Variants in NALCN observed in about 807,000 individuals in gnomAD.
The protein encoded by NALCN is sodium leak channel NALCN.
Under a neutral mutation model 225.3 loss-of-function variants are expected in NALCN, and 111 were observed. That is an observed-to-expected ratio of 0.49 (90% CI 0.42 to 0.58). The LOEUF (loss-of-function observed/expected upper bound fraction) is 0.58, where lower values mean the gene tolerates loss of function less well. Ranked by LOEUF, NALCN falls within the 20% of genes least tolerant of loss-of-function variation. The pLI, the probability that NALCN is intolerant of heterozygous loss-of-function variation, is 0.00. For missense variants in NALCN, 1,378 were observed against 2,202.4 expected (o/e 0.63, Z 7.49); for synonymous variants, 764 against 769.0 (o/e 0.99, Z 0.11).
At chr13:101,339,368 A>T (rs2045484531) in intron 7 of NALCN, among the ~76,000 whole-genome samples, 1 of 152,088 alleles carries the variant, frequency 6.6e-6, no homozygotes, top group Non-Finnish European at 1.5e-5. Flanking sequence ...CAACATGGGG[A>T]GTGTGTGATA....
intron 39 of NALCN, among the ~76,000 whole-genome samples, chr13:101,067,271 C>T (rs148531504): frequency 4.4e-5 from 3 of 68,596 alleles, no homozygotes; most frequent in South Asian, 5.0e-4. Context: ...AGGAGGTGGA[C>T]GAGGAGGAGG....
intron 15 of NALCN, among the ~76,000 whole-genome samples, chr13:101,166,770 G>A (rs1204794974): frequency 1.3e-5 from 2 of 152,120 alleles, no homozygotes; most frequent in Non-Finnish European, 2.9e-5. Context: ...TGCTGTCTGT[G>A]CCATATCCAA....
rs543447352 is a variant in NALCN, at chr13:101,198,238, C to T, written c.1627-6184G>A. On this transcript the variant is annotated intron_variant, in intron 13 of 43. Transcript: ENST00000251127. ...TTCAGGACATAGGCATGGGCAAAGA[C>T]TTCATGTCTAAAACACCAAAAGGAA... is the stretch of plus-strand genomic sequence containing the variant. 1.4e-4 allele frequency among the ~76,000 whole-genome samples: 21 copies of T among 152,282 alleles called. No homozygotes were observed. In the East Asian group the frequency reaches 3.7e-3, roughly 27 times the overall value.
At chr13:101,412,418 C>G (rs1309017712) in intron 1 of NALCN, among the ~76,000 whole-genome samples, 1 of 152,218 alleles carries the variant, frequency 6.6e-6, no homozygotes, top group Non-Finnish European at 1.5e-5. Flanking sequence ...TCTGGTCTAT[C>G]CTACTTCTAA....
intron 9 of NALCN, among the ~76,000 whole-genome samples, chr13:101,289,032 C>T (rs1195716808): frequency 6.6e-6 from 1 of 152,166 alleles, no homozygotes; most frequent in Non-Finnish European, 1.5e-5. Flanking sequence ...CCTGCACATC[C>T]CAACATCCAG....
At chr13:101,342,745 A>AT (rs1306648003) in intron 7 of NALCN, among the ~76,000 whole-genome samples, 2 of 152,154 alleles carry the variant, frequency 1.3e-5, no homozygotes, top group Non-Finnish European at 2.9e-5. Context: ...TATTTGGATG[A>AT]TTTTGGGGAC....
At position 101,055,325 on chromosome 13, in the gene NALCN, G is replaced by A. The variant is rs775017638; in HGVS notation, c.5187C>T (p.Asp1729=). The A allele has an allele frequency of 1.2e-5, 19 of 1,613,338 alleles. No individual in the cohort carries two copies. Among genetic ancestry groups the A allele is most frequent in the Middle Eastern group, 1.6e-4 (1 of 6,080 alleles). ...WWTRQLTVES[D]ESGDDLLDI is the part of the protein sequence containing the mutation. Reference sequence around the variant, plus strand: ...TATCCAGAAGGTCATCCCCACTTTCGTCGCTCTCCACAGTCAGCTGCCGGG... The same window carrying A: ...TATCCAGAAGGTCATCCCCACTTTCATCGCTCTCCACAGTCAGCTGCCGGG... The change falls in exon 44 of 44, where the codon GAC becomes GAT. Residue 1729 remains aspartate, a synonymous_variant. Coordinates refer to ENST00000251127, the MANE Select transcript of NALCN (RefSeq NM_052867.4).
chr13:101,180,129 C>G (rs2039133288), intron 14 of NALCN, among the ~76,000 whole-genome samples: 1 of 151,174 alleles, frequency 6.6e-6, no homozygotes, highest in Non-Finnish European at 1.5e-5. Flanking sequence ...AGGTCGTGTT[C>G]ATAGGTTCTG....
chr13:101,066,783 C>T (rs989822449), intron 39 of NALCN, among the ~76,000 whole-genome samples: 3 of 151,974 alleles, frequency 2.0e-5, no homozygotes, highest in South Asian at 2.1e-4. Flanking sequence ...CTGCCGGAGC[C>T]CCTCATTTAT....
At position 101,083,843 on chromosome 13, in the gene NALCN, A is replaced by G. The variant is rs1359463434; in HGVS notation, c.3490-39T>C. ...AGAAAGCAGGAAAAGGCCTTTTGTCATGTGCTTGCACCAAGAACATGGCAG... is the reference window on the plus strand; with the variant it reads ...AGAAAGCAGGAAAAGGCCTTTTGTCGTGTGCTTGCACCAAGAACATGGCAG... On this transcript the variant is annotated intron_variant, in intron 30 of 43. Coordinates refer to ENST00000251127, the MANE Select transcript of NALCN (RefSeq NM_052867.4). 1.1e-5 allele frequency: 18 copies of G among 1,592,348 alleles called. No individual in the cohort carries two copies. In the Admixed American group the frequency reaches 1.2e-4, roughly 10 times the overall value.
intron 27 of NALCN, among the ~76,000 whole-genome samples, chr13:101,099,558 A>C (rs193265120): frequency 1.3e-5 from 2 of 152,208 alleles, no homozygotes; most frequent in Non-Finnish European, 2.9e-5. Context: ...TAGTTTATAC[A>C]TCAGCAGTGG....
At chr13:101,387,023 C>A (rs1451311643) in intron 3 of NALCN, among the ~76,000 whole-genome samples, 1 of 151,456 alleles carries the variant, frequency 6.6e-6, no homozygotes, top group African/African-American at 2.4e-5. Flanking sequence ...AGATCGAGAC[C>A]ATCCTGGCTA....
intron 11 of NALCN, among the ~76,000 whole-genome samples, chr13:101,254,370 CA>C (rs66465051): frequency 0.32 from 21,079 of 66,628 alleles, 1,484 homozygotes; most frequent in South Asian, 0.41. Context: ...GGGACTGTCT[CA>C]AAAAAAAAAA....
intron 6 of NALCN, among the ~76,000 whole-genome samples, chr13:101,352,931 T>A (rs2139330503): frequency 6.6e-6 from 1 of 152,320 alleles, no homozygotes. Flanking sequence ...CTACAATACA[T>A]TTCTGAAGTC....
chr13:101,055,568 C>A lies in NALCN; in HGVS notation c.5024-80G>T, dbSNP rs550829898. 8.8e-6 allele frequency: 11 copies of A among 1,245,256 alleles called. No homozygotes were observed. The East Asian group carries it at 2.2e-4, about 25-fold the overall frequency. 77.1% of individuals were successfully genotyped at this position (1,245,256 alleles called of 1,614,324 possible). On this transcript the variant is annotated intron_variant, in intron 43 of 43. Transcript: ENST00000251127. ...TCACTCCTAAAAACCCATGATATTC[C>A]CATCAGTGATACTTTTGGCTAACGT...
At position 101,124,753 on chromosome 13, in the gene NALCN, G is replaced by T. The variant is rs2036151985; in HGVS notation, c.2119-72C>A. On this transcript the variant is annotated intron_variant, in intron 17 of 43. Transcript: ENST00000251127. ...TAATATACTGTCAAATCATTCAATA[G>T]ATGACATTGTTAAAACATGAAACAT... The T allele has an allele frequency of 5.1e-6, 6 of 1,186,332 alleles. No individual in the cohort carries two copies. In the Admixed American group the frequency reaches 5.7e-5, roughly 11 times the overall value. The allele number at this position is 1,186,332 out of a possible 1,614,324, so 73.5% of individuals were successfully genotyped here.
rs574618538 is a variant in NALCN, at chr13:101,089,482, CTT to C, written c.3489+179_3489+180del. Reference sequence around the variant, plus strand: ...GTAAATTTAGCAAGAGAACTGTACTCTTAAATAATGTGTCTGAAAAGCAGCAA... The same window carrying C: ...GTAAATTTAGCAAGAGAACTGTACTCAAATAATGTGTCTGAAAAGCAGCAA... On this transcript the variant is annotated intron_variant, in intron 30 of 43. Transcript: ENST00000251127. The surrounding 1 kb of genome is among the most constrained non-coding windows in gnomAD (Gnocchi z 4.7). Among the ~76,000 whole-genome samples, 169 of 152,324 alleles carry C rather than the reference CTT, an allele frequency of 1.1e-3. No individual in the cohort carries two copies. Among genetic ancestry groups the C allele is most frequent in the Non-Finnish European group, 1.7e-3 (119 of 68,034 alleles).
At chr13:101,119,199 A>G (rs628912) in intron 18 of NALCN, among the ~76,000 whole-genome samples, 24,114 of 152,156 alleles carry the variant, frequency 0.16, 6,271 homozygotes, top group African/African-American at 0.54. Context: ...ATACATAGTG[A>G]TTATATATAT....
intron 15 of NALCN, among the ~76,000 whole-genome samples, chr13:101,152,738 A>G (rs2037712888): frequency 6.6e-6 from 1 of 152,174 alleles, no homozygotes. Context: ...TTGTAGGTTT[A>G]TTCTTCTAGG....
Sources: allele counts gnomAD v4.1 joint callset (sites outside exome capture counted in the v4.1 genomes callset), GRCh38; gene constraint gnomAD v4.1.1; non-coding constraint Gnocchi (gnomAD v3.1); transcripts MANE v1.5; gene names NCBI Gene and HGNC (gene_info 2026-07-23, HGNC 2026-07-21).